The following PCDHA8 variants were observed in gnomAD, a reference collection of about 807,000 sequenced individuals.
PCDHA8 encodes the protein protocadherin alpha-8.
In PCDHA8, 53 loss-of-function variants were observed where a neutral mutation model predicts 61.8. The observed-to-expected ratio is 0.86, with a 90% CI of 0.69 to 1.08. The LOEUF (loss-of-function observed/expected upper bound fraction) is 1.08. PCDHA8 is among the 50% of genes least tolerant of loss of function. PCDHA8 has a pLI of 0.00. For missense variants in PCDHA8, 1,293 were observed against 1,245.0 expected (o/e 1.04, Z -0.58); for synonymous variants, 618 against 556.6 (o/e 1.11, Z -1.55).
In PCDHA8 at chr5:140,934,078, G is replaced by A. The variant is rs13188437; in HGVS notation, c.2395-44871G>A. On this transcript the variant is annotated intron_variant, in intron 1 of 3. Transcript: ENST00000531613. ...GGCTAACTTTTGGTGTTTTGGGTTC[G>A]CTTTGTTGTATGTTTGCTTTCTATT... is the stretch of plus-strand genomic sequence containing the variant. 1.4e-3 allele frequency among the ~76,000 whole-genome samples: 217 copies of A among 151,620 alleles called. 1 individual carries two copies. Among genetic ancestry groups the A allele is most frequent in the African/African-American group, 4.8e-3 (200 of 41,380 alleles).
At chr5:140,944,226 C>T (rs988249626) in intron 1 of PCDHA8, among the ~76,000 whole-genome samples, 3 of 152,126 alleles carry the variant, frequency 2.0e-5, no homozygotes, top group Admixed American at 2.0e-4. Flanking sequence ...TTTACTCTGT[C>T]GCTCAGGCTG....
chr5:140,899,402 G>T (rs1465071147), intron 1 of PCDHA8, among the ~76,000 whole-genome samples: 2 of 152,004 alleles, frequency 1.3e-5, no homozygotes, highest in South Asian at 2.1e-4. Context: ...TAGCATGAAG[G>T]GTTGTTGAAT....
intron 1 of PCDHA8, chr5:140,871,553 G>T (rs1390415919): frequency 6.7e-7 from 1 of 1,491,208 alleles, no homozygotes; most frequent in East Asian, 2.5e-5. Context: ...TTAAAATCCA[G>T]TTTTTTTTCA....
At chr5:141,006,328 C>CA (rs1258327155) in intron 3 of PCDHA8, among the ~76,000 whole-genome samples, 12 of 152,060 alleles carry the variant, frequency 7.9e-5, no homozygotes, top group Non-Finnish European at 1.6e-4. Flanking sequence ...TCTCCTGCCT[C>CA]AGCCTCCTGA....
intron 1 of PCDHA8, among the ~76,000 whole-genome samples, chr5:140,918,743 A>T (rs1346660934): frequency 6.6e-6 from 1 of 152,196 alleles, no homozygotes; most frequent in Non-Finnish European, 1.5e-5. Flanking sequence ...CCCTTATAAA[A>T]GAGGCCCAGA....
intron 3 of PCDHA8, among the ~76,000 whole-genome samples, chr5:141,005,923 G>A (rs1424300772): frequency 6.6e-6 from 1 of 151,914 alleles, no homozygotes; most frequent in East Asian, 1.9e-4. Context: ...CTTCAGCCTG[G>A]TTGACAGAGT....
At chr5:140,914,140 T>C (rs1006570934) in intron 1 of PCDHA8, among the ~76,000 whole-genome samples, 2 of 152,230 alleles carry the variant, frequency 1.3e-5, no homozygotes, top group African/African-American at 4.8e-5. Flanking sequence ...AGTTTTTGTC[T>C]GTCAGTTCTG....
At chr5:140,884,833 C>G in intron 1 of PCDHA8, 1 of 916,634 alleles carries the variant, frequency 1.1e-6, no homozygotes, top group Non-Finnish European at 1.5e-6. Context: ...GTTGGATTAT[C>G]CTTCAGAGTG....
At position 140,983,424 on chromosome 5, in the gene PCDHA8, A is replaced by G. The variant is rs115903969; in HGVS notation, c.2542+861A>G. On this transcript the variant is annotated intron_variant, in intron 3 of 3. Transcript: ENST00000531613. ...GGAAGATTAAGTGTTGGTAGAGACC[A>G]CAAATTGTGTCTACTCTAATCCTCT... Among the ~76,000 whole-genome samples, 1,234 of 152,366 alleles carry G rather than the reference A, an allele frequency of 8.1e-3. 22 individuals are homozygous for G. Among genetic ancestry groups the G allele is most frequent in the African/African-American group, 0.028 (1,160 of 41,578 alleles).
In PCDHA8 at chr5:140,882,301, G is replaced by A. The variant is rs145574763; in HGVS notation, c.2394+38586G>A. 188 of 1,613,800 alleles carry A rather than the reference G, an allele frequency of 1.2e-4. No homozygotes were observed. In the African/African-American group the frequency reaches 2.1e-3, roughly 18 times the overall value. Reference sequence around the variant, plus strand: ...CTTCCTGGCAAGGAGGCCCAAGACCGCGGCAACTACTGCTCTGGCTTCTGA... The same window carrying A: ...CTTCCTGGCAAGGAGGCCCAAGACCACGGCAACTACTGCTCTGGCTTCTGA... On this transcript the variant is annotated intron_variant, in intron 1 of 3. Coordinates refer to ENST00000531613, the MANE Select transcript of PCDHA8 (RefSeq NM_018911.3).
intron 3 of PCDHA8, among the ~76,000 whole-genome samples, chr5:140,996,592 C>T (rs2097733979): frequency 6.7e-6 from 1 of 149,052 alleles, no homozygotes; most frequent in African/African-American, 2.4e-5. Context: ...AGGGCCGCCT[C>T]CCCCCATTTT....
intron 1 of PCDHA8, among the ~76,000 whole-genome samples, chr5:140,975,935 C>T (rs1351802479): frequency 6.6e-6 from 1 of 152,060 alleles, no homozygotes; most frequent in East Asian, 1.9e-4. Flanking sequence ...ACCTTTGAAG[C>T]AATAGGACAT....
At chr5:140,926,131 A>G (rs2082931602) in intron 1 of PCDHA8, among the ~76,000 whole-genome samples, 1 of 152,076 alleles carries the variant, frequency 6.6e-6, no homozygotes, top group Non-Finnish European at 1.5e-5. Context: ...TTCAACCCGC[A>G]GCAGGATCCA....
chr5:140,896,486 C>T (rs2065571972), intron 1 of PCDHA8, among the ~76,000 whole-genome samples: 2 of 151,948 alleles, frequency 1.3e-5, no homozygotes, highest in African/African-American at 4.8e-5. Context: ...CCTCAGCCTC[C>T]TGAGTAGCTG....
chr5:140,968,949 T>C, intron 1 of PCDHA8: 1 of 1,614,180 alleles, frequency 6.2e-7, no homozygotes, highest in Non-Finnish European at 8.5e-7. Flanking sequence ...ATTTTGAGCA[T>C]CATCAAGTGC....
rs2150312658 is a variant in PCDHA8 at position 140,841,294 on chromosome 5, A to G, written c.-28A>G. On this transcript the variant is annotated 5_prime_UTR_variant, in exon 1 of 4. It adds an upstream start codon to the 5' untranslated region. Transcript: ENST00000531613. ...TCGTTCATCTTTATATTAAGATAAT[A>G]TTTTCTGATAGGAAACGACTATTTA... 13 of 1,563,188 alleles carry G rather than the reference A, an allele frequency of 8.3e-6. No homozygotes were observed. The highest frequency in any genetic ancestry group is 1.4e-5 in the African/African-American group (1 of 72,674).
intron 1 of PCDHA8, chr5:140,884,197 G>A (rs146010500): frequency 3.1e-6 from 5 of 1,613,234 alleles, no homozygotes; most frequent in Non-Finnish European, 4.2e-6. Context: ...TGGACGCGCC[G>A]CACCACCGCC....
At chr5:140,863,357 G>GCCAAGCACCGCAGC in intron 1 of PCDHA8, 1 of 1,259,532 alleles carries the variant, frequency 7.9e-7, no homozygotes, top group Non-Finnish European at 1.1e-6. Flanking sequence ...ACGACGCTGC[G>GCCAAGCACCGCAGC]GTGCTTGGCG....
intron 1 of PCDHA8, among the ~76,000 whole-genome samples, chr5:140,897,709 T>C (rs1471075981): frequency 6.6e-6 from 1 of 152,212 alleles, no homozygotes; most frequent in Non-Finnish European, 1.5e-5. Context: ...TACCCAGTAA[T>C]GGGATGGCTG....
Sources: allele counts gnomAD v4.1 joint callset (sites outside exome capture counted in the v4.1 genomes callset), GRCh38; gene constraint gnomAD v4.1.1; transcripts MANE v1.5; gene names NCBI Gene and HGNC (gene_info 2026-07-23, HGNC 2026-07-21).